The following BABAM2 variants were observed in gnomAD, a reference collection of about 807,000 sequenced individuals.
BABAM2 encodes BRISC and BRCA1-A complex member 2.
Under a neutral mutation model 54.7 loss-of-function variants are expected in BABAM2, and 31 were observed. The ratio of observed to expected loss-of-function variants is 0.57; its 90% CI spans 0.43 to 0.77. BABAM2 has a LOEUF of 0.77. Among genes scored for constraint, BABAM2 ranks in the 30% least tolerant of loss-of-function variants. The pLI is 0.00. For missense variants in BABAM2, 364 were observed against 455.8 expected, an observed-to-expected ratio of 0.80 and a Z score of 1.83; for synonymous variants, 167 against 162.9, an observed-to-expected ratio of 1.03 and a Z score of -0.19.
At chr2:28,338,271 C>G (rs146759384) in intron 11 of BABAM2, among the ~76,000 whole-genome samples, 179 bp from the exon 12 acceptor site, 2 of 152,358 alleles carry the variant, frequency 1.3e-5, no homozygotes, top group East Asian at 3.9e-4. Context: ...TAGTGAACTG[C>G]ATGCATCTCC....
intron 7 of BABAM2, among the ~76,000 whole-genome samples, chr2:28,165,508 A>AGCTTTTTTTTTTTTTCCTT (rs1673557911): frequency 7.2e-6 from 1 of 138,436 alleles, no homozygotes; most frequent in Non-Finnish European, 1.6e-5. Flanking sequence ...GGGGCACTGA[A>AGCTTTTTTTTTTTTTCCTT]GCTTTTTTTT....
intron 6 of BABAM2, among the ~76,000 whole-genome samples, chr2:28,078,982 A>G (rs933853539): frequency 6.6e-6 from 1 of 152,198 alleles, no homozygotes; most frequent in Non-Finnish European, 1.5e-5. Flanking sequence ...TCATATTTCC[A>G]GCATGAACCA....
chr2:28,074,303 TTA>T (rs1664452065), intron 6 of BABAM2, among the ~76,000 whole-genome samples: 2 of 152,206 alleles, frequency 1.3e-5, no homozygotes, highest in Non-Finnish European at 2.9e-5. Flanking sequence ...ATCATGTATG[TTA>T]TAGAATGTTT....
At chr2:28,295,348 TCTA>T (rs1038376372) in intron 10 of BABAM2, among the ~76,000 whole-genome samples, 2 of 152,338 alleles carry the variant, frequency 1.3e-5, no homozygotes, top group Admixed American at 6.5e-5. Context: ...GCAATTGAGT[TCTA>T]CTGTTTAAAA....
intron 4 of BABAM2, among the ~76,000 whole-genome samples, chr2:28,024,941 G>C (rs1573415682): frequency 6.6e-6 from 1 of 152,090 alleles, no homozygotes; most frequent in African/African-American, 2.4e-5. Flanking sequence ...AGGATATTTA[G>C]GTTTCTTGTT....
chr2:28,173,566 C>T (rs1034314368), intron 7 of BABAM2, among the ~76,000 whole-genome samples: 2 of 152,218 alleles, frequency 1.3e-5, no homozygotes, highest in Admixed American at 6.5e-5. Context: ...AGTAATCTGG[C>T]TCCCAGGCCG....
intron 6 of BABAM2, among the ~76,000 whole-genome samples, chr2:28,121,952 C>T (rs972587138): frequency 4.6e-5 from 7 of 152,136 alleles, no homozygotes; most frequent in South Asian, 2.1e-4. Flanking sequence ...CAGTGACTCA[C>T]GCCTGTAATC....
At chr2:28,147,713 T>TC (rs1343650950) in intron 7 of BABAM2, among the ~76,000 whole-genome samples, 1 of 152,214 alleles carries the variant, frequency 6.6e-6, no homozygotes, top group Non-Finnish European at 1.5e-5. Context: ...GACCTCGTGA[T>TC]CCACCCGTCT....
At chr2:28,151,553 C>T (rs970097862) in intron 7 of BABAM2, among the ~76,000 whole-genome samples, 42 of 151,694 alleles carry the variant, frequency 2.8e-4, no homozygotes, top group Admixed American at 5.9e-4. Context: ...CCAGCCTTGG[C>T]GACAAGAGCA....
chr2:27,965,960 C>T (rs2148440453), intron 3 of BABAM2, among the ~76,000 whole-genome samples: 1 of 151,732 alleles, frequency 6.6e-6, no homozygotes, highest in East Asian at 1.9e-4. Context: ...TGTAAAGAAG[C>T]TGGGCCATTT....
chr2:28,275,068 CTCT>C (rs564599310), intron 10 of BABAM2, among the ~76,000 whole-genome samples: 106 of 152,324 alleles, frequency 7.0e-4, no homozygotes, highest in Non-Finnish European at 1.3e-3. Flanking sequence ...ATGACTCAGC[CTCT>C]GCCTTCGTTG....
At chr2:28,140,641 G>A (rs1670959846) in intron 7 of BABAM2, among the ~76,000 whole-genome samples, 1 of 151,908 alleles carries the variant, frequency 6.6e-6, no homozygotes, top group African/African-American at 2.4e-5. Flanking sequence ...AAATATACTT[G>A]TATTTTTTAA....
chr2:28,205,964 T>A (rs1182707458), intron 7 of BABAM2, among the ~76,000 whole-genome samples: 1 of 152,186 alleles, frequency 6.6e-6, no homozygotes, highest in Non-Finnish European at 1.5e-5. Context: ...TTTGTTTAAA[T>A]TTTTCCGTGG....
intron 7 of BABAM2, among the ~76,000 whole-genome samples, chr2:28,219,857 C>T (rs886906273): frequency 1.5e-4 from 23 of 152,276 alleles, no homozygotes; most frequent in African/African-American, 5.5e-4. Context: ...GTTTAATGCT[C>T]AAGTGTCCCT....
intron 11 of BABAM2, among the ~76,000 whole-genome samples, chr2:28,335,661 G>A (rs960412024): frequency 6.6e-5 from 10 of 152,220 alleles, no homozygotes; most frequent in Non-Finnish European, 1.3e-4. Context: ...TGTGCACATG[G>A]GACAAGTGCC....
At chr2:28,237,388 C>A in intron 8 of BABAM2, 87 bp downstream of exon 8, 2 of 1,186,936 alleles carry the variant, frequency 1.7e-6, no homozygotes, top group South Asian at 1.3e-5. Flanking sequence ...ATGCTCCATC[C>A]TTCTCGGACC....
At chr2:28,288,332 T>C (rs1167344261) in intron 10 of BABAM2, among the ~76,000 whole-genome samples, 1 of 149,360 alleles carries the variant, frequency 6.7e-6, no homozygotes, top group Non-Finnish European at 1.5e-5. Flanking sequence ...TTCTTTTCTT[T>C]TTTTTTTTTT....
intron 10 of BABAM2, among the ~76,000 whole-genome samples, chr2:28,295,643 G>T (rs1196168918): frequency 6.6e-6 from 1 of 151,940 alleles, no homozygotes; most frequent in Non-Finnish European, 1.5e-5. Context: ...TTACAGGTAC[G>T]CACCACTATG....
At chr2:28,308,615 G>A (rs1429873266) in intron 11 of BABAM2, 1 of 378,116 alleles carries the variant, frequency 2.6e-6, no homozygotes, top group Non-Finnish European at 5.1e-6. Flanking sequence ...CTATGTATAT[G>A]TCTTTTCACC....
Sources: allele counts gnomAD v4.1 joint callset (sites outside exome capture counted in the v4.1 genomes callset), GRCh38; gene constraint gnomAD v4.1.1; transcripts MANE v1.5; gene names NCBI Gene and HGNC (gene_info 2026-07-23, HGNC 2026-07-21).